Variants in IL1RAPL2 observed in about 807,000 individuals in gnomAD.
IL1RAPL2 encodes the protein interleukin 1 receptor accessory protein like 2, also known as X-linked interleukin-1 receptor accessory protein-like 2.
In IL1RAPL2, 3 loss-of-function variants were observed where a neutral mutation model predicts 44.1. The ratio of observed to expected loss-of-function variants is 0.07; its 90% CI spans 0.03 to 0.18. The LOEUF (loss-of-function observed/expected upper bound fraction) is 0.18, where lower values mean the gene tolerates loss of function less well. Among genes scored for constraint, IL1RAPL2 ranks in the 10% least tolerant of loss-of-function variants. The pLI, the probability that IL1RAPL2 is intolerant of heterozygous loss-of-function variation, is 1.00. For synonymous variants in IL1RAPL2, 181 were observed against 178.8 expected (o/e 1.01, Z -0.10); for missense variants, 391 against 496.4 (o/e 0.79, Z 2.02).
At chrX:105,061,939 T>C (rs939006393) in intron 2 of IL1RAPL2, among the ~76,000 whole-genome samples, 2 of 112,097 alleles carry the variant, frequency 1.8e-5, no homozygotes, top group Admixed American at 1.9e-4. Context: ...ATGTCTCTTG[T>C]AGGCAGCCAA....
At chrX:105,502,713 T>C in intron 6 of IL1RAPL2, among the ~76,000 whole-genome samples, 1 of 93,180 alleles carries the variant, frequency 1.1e-5, no homozygotes, top group Non-Finnish European at 1.9e-5. Flanking sequence ...CAGTGAAAAA[T>C]ACATTCTTTT....
intron 6 of IL1RAPL2, among the ~76,000 whole-genome samples, chrX:105,690,494 C>T (rs2038026342): frequency 9.0e-6 from 1 of 111,448 alleles, no homozygotes; most frequent in African/African-American, 3.3e-5. Context: ...ATAAAATCTA[C>T]ACTTCTACTT....
At chrX:105,097,276 G>A (rs1392859582) in intron 2 of IL1RAPL2, among the ~76,000 whole-genome samples, 2 of 94,457 alleles carry the variant, frequency 2.1e-5, no homozygotes, top group African/African-American at 8.3e-5. Context: ...GCAGTGAGCC[G>A]ACATCGCACC....
At chrX:105,123,164 T>C (rs1315640348) in intron 2 of IL1RAPL2, among the ~76,000 whole-genome samples, 9 of 111,198 alleles carry the variant, frequency 8.1e-5, no homozygotes, top group African/African-American at 2.9e-4. Flanking sequence ...CTGAGGTATT[T>C]ATATCCCAGT....
intron 5 of IL1RAPL2, among the ~76,000 whole-genome samples, chrX:105,375,681 A>G (rs1176067618): frequency 8.9e-6 from 1 of 112,539 alleles, no homozygotes; most frequent in Non-Finnish European, 1.9e-5. Flanking sequence ...TTATTGCCTC[A>G]TTGCTTGCTT....
At chrX:105,665,050 T>C (rs115458408) in intron 6 of IL1RAPL2, among the ~76,000 whole-genome samples, 1,131 of 112,198 alleles carry the variant, frequency 0.01, 22 homozygotes, top group African/African-American at 0.035. Flanking sequence ...ATGTAGCATA[T>C]AAAATATGTG....
chrX:104,881,099 A>C (rs192556515), intron 2 of IL1RAPL2, among the ~76,000 whole-genome samples: 2 of 111,851 alleles, frequency 1.8e-5, no homozygotes, highest in Non-Finnish European at 3.8e-5. Flanking sequence ...TTTATTTTAC[A>C]TAACGTAAAA....
chrX:105,148,535 A>G (rs1289640298), intron 2 of IL1RAPL2, among the ~76,000 whole-genome samples: 2 of 111,847 alleles, frequency 1.8e-5, no homozygotes, highest in South Asian at 3.7e-4. Context: ...TAGAAGTGCA[A>G]TCTCTTACAG....
chrX:105,057,785 T>TA (rs1569371376), intron 2 of IL1RAPL2, among the ~76,000 whole-genome samples: 1 of 109,861 alleles, frequency 9.1e-6, no homozygotes, highest in African/African-American at 3.3e-5. Flanking sequence ...TATTTTTTTT[T>TA]AATTTATTTA....
intron 5 of IL1RAPL2, among the ~76,000 whole-genome samples, chrX:105,395,050 CTG>C (rs1397527751): frequency 9.0e-6 from 1 of 111,252 alleles, no homozygotes; most frequent in Non-Finnish European, 1.9e-5. Flanking sequence ...TGTAACCAAA[CTG>C]TAACTCCCCA....
At chrX:105,743,819 G>A (rs1049525196) in intron 8 of IL1RAPL2, among the ~76,000 whole-genome samples, 4 of 111,743 alleles carry the variant, frequency 3.6e-5, no homozygotes, top group Admixed American at 1.9e-4. Context: ...TAGATAACAG[G>A]GATTGATAAA....
chrX:105,287,804 G>C (rs2034582412), intron 5 of IL1RAPL2, among the ~76,000 whole-genome samples: 1 of 111,502 alleles, frequency 9.0e-6, no homozygotes. Flanking sequence ...TTTAGTGACA[G>C]GTCCGGGTAT....
chrX:105,593,290 C>A (rs1306297928), intron 6 of IL1RAPL2, among the ~76,000 whole-genome samples: 6 of 111,527 alleles, frequency 5.4e-5, no homozygotes, highest in Non-Finnish European at 1.1e-4. Context: ...CAGTTTGGTT[C>A]TTTTTTAAAA....
At chrX:105,565,097 T>G (rs1055525698) in intron 6 of IL1RAPL2, among the ~76,000 whole-genome samples, 1 of 112,134 alleles carries the variant, frequency 8.9e-6, no homozygotes. Context: ...ACAGTGGCTA[T>G]TGTTTCATTC....
intron 2 of IL1RAPL2, among the ~76,000 whole-genome samples, chrX:104,924,280 G>A (rs1924722917): frequency 9.0e-6 from 1 of 111,548 alleles, no homozygotes; most frequent in African/African-American, 3.3e-5. Context: ...CTGCCTTGAT[G>A]ACCTGTCTAG....
At chrX:105,162,813 T>G (rs990563881) in intron 2 of IL1RAPL2, among the ~76,000 whole-genome samples, 3 of 111,467 alleles carry the variant, frequency 2.7e-5, no homozygotes, top group African/African-American at 9.8e-5. Context: ...CACCAGCAGA[T>G]TTGGTGTCTG....
intron 5 of IL1RAPL2, among the ~76,000 whole-genome samples, chrX:105,353,776 T>G (rs1165812537): frequency 9.0e-6 from 1 of 111,609 alleles, no homozygotes; most frequent in African/African-American, 3.3e-5. Context: ...TTTTGCACAT[T>G]GATTTTGTAT....
intron 2 of IL1RAPL2, among the ~76,000 whole-genome samples, chrX:104,849,726 C>T (rs965594114): frequency 9.1e-6 from 1 of 110,370 alleles, no homozygotes; most frequent in Non-Finnish European, 1.9e-5. Context: ...AATATGTTGA[C>T]AATTTTGAAT....
At chrX:105,327,130 T>C (rs1720998621) in intron 5 of IL1RAPL2, among the ~76,000 whole-genome samples, 1 of 111,898 alleles carries the variant, frequency 8.9e-6, no homozygotes, top group South Asian at 3.7e-4. Context: ...CAAATTGTTT[T>C]CTGTTTCCCA....
Sources: gnomAD v4.1 joint callset for allele counts (sites outside exome capture counted in the v4.1 genomes callset) on GRCh38, gnomAD v4.1.1 for gene constraint, MANE v1.5 for transcripts, NCBI Gene and HGNC (gene_info 2026-07-23, HGNC 2026-07-21) for gene names.